The following AHRR variants were observed in gnomAD, a reference collection of about 807,000 sequenced individuals.
AHRR encodes aryl hydrocarbon receptor repressor, also known as ahR repressor.
Under a neutral mutation model 44.0 loss-of-function variants are expected in AHRR, and 28 were observed. That is an observed-to-expected ratio of 0.64 (90% CI 0.47 to 0.87). The LOEUF (loss-of-function observed/expected upper bound fraction) is 0.87, where lower values mean the gene tolerates loss of function less well. AHRR is among the 40% of genes least tolerant of loss of function. The pLI is 0.00. For missense variants in AHRR, 990 were observed against 953.9 expected, an observed-to-expected ratio of 1.04 and a Z score of -0.50; for synonymous variants, 434 against 407.0, an observed-to-expected ratio of 1.07 and a Z score of -0.80.
Position 424,215 on chromosome 5 carries a change from G to A in AHRR, c.708+238G>A, listed in dbSNP as rs576190055. The stretch of plus-strand genomic sequence containing the variant: ...AGCTCTGTGCACCCTGTGATGGTGT[G>A]GGGGTGTTAACCCATGTGTCTCTGG... On this transcript the variant is annotated intron_variant, in intron 7 of 10. Coordinates refer to ENST00000684583, the MANE Select transcript of AHRR (RefSeq NM_001377236.1). Among the ~76,000 whole-genome samples the A allele has an allele frequency of 4.7e-5, 4 of 85,034 alleles. No homozygotes were observed. In the East Asian group the frequency reaches 7.9e-4, roughly 17 times the overall value. 55.8% of individuals were successfully genotyped at this position (85,034 alleles called of 152,430 possible). A position where few individuals can be genotyped will look rare whatever the true frequency, so the allele number is the denominator to read the frequency against.
At chr5:410,331 G>A (rs1735422286) in intron 4 of AHRR, among the ~76,000 whole-genome samples, 1 of 152,068 alleles carries the variant, frequency 6.6e-6, no homozygotes, top group South Asian at 2.1e-4. Flanking sequence ...CAAGTAGCTG[G>A]GACTACAGGC....
intron 3 of AHRR, 150 bp downstream of exon 3, chr5:354,061 G>C: frequency 1.1e-6 from 1 of 887,732 alleles, no homozygotes; most frequent in Non-Finnish European, 1.7e-6. Context: ...AGAACCTGGA[G>C]ACTTGGCCCC....
intron 4 of AHRR, among the ~76,000 whole-genome samples, chr5:390,917 AGTT>A (rs1734388493): frequency 6.6e-6 from 1 of 152,102 alleles, no homozygotes; most frequent in African/African-American, 2.4e-5. Flanking sequence ...TCTTCTTTCA[AGTT>A]GTTTCTCGGA....
At position 414,139 on chromosome 5, in the gene AHRR, C is replaced by CT. The variant is rs1735599438; in HGVS notation, c.441+706_441+707insT. 2.6e-5 allele frequency among the ~76,000 whole-genome samples: 4 copies of CT among 151,968 alleles called. No homozygotes were observed. The South Asian group carries it at 6.2e-4, about 24-fold the overall frequency. ...TTAGCTGGGTGTGGTGGCGTGCACC[C>CT]GTAGTCCCAGCTACTAGGGAGGCTG... On this transcript the variant is annotated intron_variant, in intron 5 of 10. Coordinates refer to ENST00000684583, the MANE Select transcript of AHRR (RefSeq NM_001377236.1).
chr5:397,875 C>T (rs1294682956), intron 4 of AHRR, among the ~76,000 whole-genome samples: 2 of 102,220 alleles, frequency 2.0e-5, no homozygotes, highest in African/African-American at 3.8e-5. Context: ...TCCCTGTTAG[C>T]CCCTGACCAT....
chr5:367,286 G>C (rs1414130925), intron 3 of AHRR, among the ~76,000 whole-genome samples: 1 of 152,216 alleles, frequency 6.6e-6, no homozygotes, highest in African/African-American at 2.4e-5. Flanking sequence ...TGGGCCCTCA[G>C]CGTAGCCAGA....
At position 432,825 on chromosome 5, in the gene AHRR, C is replaced by G. The variant is rs768497203; in HGVS notation, c.990C>G (p.Ser330Arg). 1.2e-6 allele frequency: 2 copies of G among 1,613,812 alleles called. No individual in the cohort carries two copies. ...NYSAGRSSRE[S>R]GVLVLREQTD... ...CAACAGGAAGGAGCAGCAGAGAGAG[C>G]GGCGTTTTGGTGCTCAGGGAACAGA... Residue 330 changes from serine (S) to arginine (R), a missense_variant, in exon 10 of 11, where the codon AGC becomes AGG. Ser to Arg is a moderately radical substitution (Grantham distance 110, BLOSUM62 -1). Transcript: ENST00000684583.
chr5:398,930 A>G (rs1402276358), intron 4 of AHRR, among the ~76,000 whole-genome samples: 1 of 152,182 alleles, frequency 6.6e-6, no homozygotes. Flanking sequence ...CCCCCCTGCC[A>G]ACATGCCCAG....
chr5:421,999 C>T (rs1232358989), intron 5 of AHRR, among the ~76,000 whole-genome samples: 2 of 152,172 alleles, frequency 1.3e-5, no homozygotes, highest in Admixed American at 6.5e-5. Context: ...GTTAATTATT[C>T]GGGGCTGGCG....
intron 4 of AHRR, among the ~76,000 whole-genome samples, chr5:400,922 G>A (rs963526476): frequency 6.6e-6 from 1 of 152,204 alleles, no homozygotes; most frequent in African/African-American, 2.4e-5. Flanking sequence ...AAAAGCTGTG[G>A]CAGGAGCCGG....
intron 2 of AHRR, among the ~76,000 whole-genome samples, chr5:347,364 T>C (rs933400742): frequency 2.6e-5 from 4 of 152,244 alleles, no homozygotes; most frequent in Non-Finnish European, 5.9e-5. Context: ...TAAATTTGTA[T>C]GAGTTGAATT....
chr5:379,592 T>C (rs1733894615), intron 4 of AHRR, among the ~76,000 whole-genome samples: 1 of 152,244 alleles, frequency 6.6e-6, no homozygotes, highest in South Asian at 2.1e-4. Context: ...TGACTAACAA[T>C]GCTGCATATC....
At chr5:359,754 C>T (rs916990641) in intron 3 of AHRR, among the ~76,000 whole-genome samples, 9 of 152,190 alleles carry the variant, frequency 5.9e-5, no homozygotes. Flanking sequence ...CTCTGAAGCC[C>T]ACCCGGGCTG....
intron 7 of AHRR, among the ~76,000 whole-genome samples, chr5:424,373 AACCC>A (rs1560921740): frequency 1.9e-3 from 226 of 117,038 alleles, no homozygotes; most frequent in African/African-American, 5.9e-3. Context: ...TGGGGGTGTT[AACCC>A]ATGTGTCCCT....
chr5:379,858 A>G (rs1298704309), intron 4 of AHRR, among the ~76,000 whole-genome samples: 4 of 152,182 alleles, frequency 2.6e-5, no homozygotes, highest in African/African-American at 9.7e-5. Flanking sequence ...TTAATTTATC[A>G]ATTTCTCTTT....
In AHRR at chr5:411,382, T is replaced by G. The variant is rs1164038866; in HGVS notation, c.352-1962T>G. ...GTAGCTGCACCTGTTCTTACCATTC[T>G]CCGTCATTTTGTGGAATGTTGTGGG... On this transcript the variant is annotated intron_variant, in intron 4 of 10. Transcript: ENST00000684583. This position sits in a 1 kb window ranked among gnomAD's most constrained non-coding sequence, Gnocchi z 4.2. Among the ~76,000 whole-genome samples the G allele has an allele frequency of 6.6e-6, 1 of 152,052 alleles. No homozygotes were observed. Among genetic ancestry groups the G allele is most frequent in the African/African-American group, 2.4e-5 (1 of 41,388 alleles).
Position 437,978 on chromosome 5 carries a change from T to A in AHRR, c.*3144T>A, listed in dbSNP as rs1737167284. The A allele has an allele frequency of 6.6e-6, 1 of 152,364 alleles. No individual in the cohort carries two copies. Among genetic ancestry groups the A allele is most frequent in the Admixed American group, 6.5e-5 (1 of 15,284 alleles). 9.4% of individuals were successfully genotyped at this position (152,364 alleles called of 1,614,324 possible). A position where few individuals can be genotyped will look rare whatever the true frequency, so the allele number is the denominator to read the frequency against. On this transcript the variant is annotated 3_prime_UTR_variant, in exon 11 of 11. Coordinates refer to ENST00000684583, the MANE Select transcript of AHRR (RefSeq NM_001377236.1). Reference sequence around the variant, plus strand: ...TGTTAGCACTAATTACAGGTTCATGTTTTTCTGTGTATGTAGCTTTTCCCT... The same window carrying A: ...TGTTAGCACTAATTACAGGTTCATGATTTTCTGTGTATGTAGCTTTTCCCT...
intron 3 of AHRR, among the ~76,000 whole-genome samples, chr5:362,802 A>G (rs1474630986): frequency 6.6e-6 from 1 of 152,258 alleles, no homozygotes; most frequent in Non-Finnish European, 1.5e-5. Context: ...GCAGGGGCTC[A>G]TTCACTCATT....
At chr5:380,657 G>T (rs1003554980) in intron 4 of AHRR, among the ~76,000 whole-genome samples, 1 of 151,994 alleles carries the variant, frequency 6.6e-6, no homozygotes, top group Non-Finnish European at 1.5e-5. Context: ...TATTTTTCTA[G>T]GTTGACTTTG....
Sources: gnomAD v4.1 joint callset for allele counts (sites outside exome capture counted in the v4.1 genomes callset) on GRCh38, gnomAD v4.1.1 for gene constraint, Gnocchi (gnomAD v3.1) non-coding constraint, MANE v1.5 for transcripts, NCBI Gene and HGNC (gene_info 2026-07-23, HGNC 2026-07-21) for gene names.